CPA3: variants seen among roughly 807,000 people sequenced by gnomAD.
The protein encoded by CPA3 is mast cell carboxypeptidase A.
A neutral mutation model predicts 55.8 loss-of-function variants in CPA3; 52 were observed. That is an observed-to-expected ratio of 0.93 (90% CI 0.75 to 1.17). The LOEUF (loss-of-function observed/expected upper bound fraction) is 1.17, where lower values mean the gene tolerates loss of function less well. Ranked by LOEUF, CPA3 falls within the 50% of genes most tolerant of loss-of-function variation. The pLI is 0.00. For missense variants in CPA3, 547 were observed against 509.1 expected (o/e 1.07, Z -0.72); for synonymous variants, 179 against 171.2 (o/e 1.05, Z -0.36).
intron 5 of CPA3, 29 bp from the exon 6 acceptor site, chr3:148,879,759 A>T (rs749902228): frequency 2.7e-6 from 4 of 1,483,778 alleles, no homozygotes; most frequent in South Asian, 1.1e-5. Flanking sequence ...GTTTGTTCAA[A>T]ACAATATCTC....
At chr3:148,896,211 A>G in intron 10 of CPA3, among the ~76,000 whole-genome samples, 1 of 152,146 alleles carries the variant, frequency 6.6e-6, no homozygotes, top group East Asian at 1.9e-4. Context: ...CTCAGCTGCT[A>G]GCACTTGCTC....
chr3:148,881,844 G>C (rs1714376240), intron 7 of CPA3, among the ~76,000 whole-genome samples: 1 of 152,154 alleles, frequency 6.6e-6, no homozygotes, highest in South Asian at 2.1e-4. Context: ...AGCTAGTTAT[G>C]TGGGAAAATG....
chr3:148,869,666 T>G (rs1210514343), intron 3 of CPA3, among the ~76,000 whole-genome samples: 1 of 152,226 alleles, frequency 6.6e-6, no homozygotes, highest in Non-Finnish European at 1.5e-5. Flanking sequence ...TGAGTCATTC[T>G]GGCCCCACAG....
Position 148,896,528 on chromosome 3 carries a change from T to A in CPA3, c.1075T>A (p.Ser359Thr). ...GPIESTIYPISGSSLDWAYDL... is the reference protein window; with the variant it reads ...GPIESTIYPITGSSLDWAYDL... ...CTGCTTGTGTTTTACAGACCCGATA[T>A]CAGGTTCTTCTTTAGACTGGGCTTA... Residue 359 changes from serine to threonine, a missense_variant, in exon 11 of 11, where the codon TCA becomes ACA. Physicochemically the swap from Ser to Thr is moderately conservative, Grantham distance 58 (BLOSUM62 1). Coordinates refer to ENST00000296046, the MANE Select transcript of CPA3 (RefSeq NM_001870.4). 6.6e-7 allele frequency: 1 copy of A among 1,511,194 alleles called. No individual in the cohort carries two copies. The highest frequency in any genetic ancestry group is 9.0e-7 in the Non-Finnish European group (1 of 1,109,700). The allele number at this position is 1,511,194 out of a possible 1,614,324, so 93.6% of individuals were successfully genotyped here.
intron 10 of CPA3, among the ~76,000 whole-genome samples, chr3:148,893,862 C>A (rs1437178160): frequency 2.6e-5 from 4 of 152,154 alleles, no homozygotes; most frequent in Non-Finnish European, 5.9e-5. Flanking sequence ...AAGGAAGTGA[C>A]ATTTTCTCAA....
intron 3 of CPA3, among the ~76,000 whole-genome samples, chr3:148,877,388 G>A (rs1311537522): frequency 6.6e-6 from 1 of 152,090 alleles, no homozygotes; most frequent in East Asian, 1.9e-4. Flanking sequence ...CAGCTGCTCA[G>A]GAGACCAAAG....
intron 2 of CPA3, 117 bp from the exon 3 acceptor site, chr3:148,868,798 T>A: frequency 8.8e-7 from 1 of 1,130,968 alleles, no homozygotes; most frequent in Non-Finnish European, 1.2e-6. Flanking sequence ...AGGGTCTGTA[T>A]CTTAGTTATG....
intron 3 of CPA3, among the ~76,000 whole-genome samples, chr3:148,877,408 C>T (rs551634347): frequency 6.6e-6 from 1 of 152,188 alleles, no homozygotes; most frequent in East Asian, 1.9e-4. Context: ...GCAGGAGAAT[C>T]ACTTGAACCC....
Position 148,878,641 on chromosome 3 carries a change from C to T in CPA3, c.373-6C>T. 1 of 1,599,510 alleles carries T rather than the reference C, an allele frequency of 6.3e-7. No individual in the cohort carries two copies. Among genetic ancestry groups the T allele is most frequent in the Admixed American group, 1.7e-5 (1 of 58,506 alleles). ...CTAATTTCTCAAAATTGATTTTGCT[C>T]TTAAGATTGTGGCTTGGACTGAAAA... On this transcript the variant is annotated splice_region_variant and splice_polypyrimidine_tract_variant and intron_variant, in intron 4 of 10. Transcript: ENST00000296046.
At chr3:148,876,664 A>C (rs993410954) in intron 3 of CPA3, among the ~76,000 whole-genome samples, 7 of 152,222 alleles carry the variant, frequency 4.6e-5, no homozygotes, top group African/African-American at 1.7e-4. Context: ...GGTGTGAACC[A>C]CCATGCCCAG....
chr3:148,870,925 G>C (rs184046190), intron 3 of CPA3, among the ~76,000 whole-genome samples: 11 of 152,226 alleles, frequency 7.2e-5, no homozygotes, highest in Non-Finnish European at 1.5e-4. Context: ...TTGAGATGAA[G>C]TCTCGCTCTG....
At chr3:148,868,687 A>AT (rs889502769) in intron 2 of CPA3, among the ~76,000 whole-genome samples, 10 of 152,152 alleles carry the variant, frequency 6.6e-5, no homozygotes, top group African/African-American at 2.4e-4. Flanking sequence ...GTCCTTAAAA[A>AT]AAAAAAAAGT....
At chr3:148,876,297 CTTA>C (rs1368059161) in intron 3 of CPA3, among the ~76,000 whole-genome samples, 5 of 151,076 alleles carry the variant, frequency 3.3e-5, no homozygotes, top group African/African-American at 1.2e-4. Context: ...TAATAAAATT[CTTA>C]TATTTATTTA....
rs201909511 is a variant in CPA3 at position 148,883,749 on chromosome 3, C to T, written c.915C>T (p.Ser305=). The T allele has an allele frequency of 2.3e-5, 37 of 1,614,076 alleles. No individual in the cohort carries two copies. In the East Asian group the frequency reaches 7.8e-4, roughly 34 times the overall value. ...TCAAGGTTTACATCACCTTCCATTC[C>T]TACTCCCAGATGCTATTGTTTCCCT... ...NEIKVYITFH[S]YSQMLLFPYG... Residue 305 remains serine (S), a synonymous_variant, in exon 9 of 11, where the codon TCC becomes TCT. Transcript: ENST00000296046.
intron 2 of CPA3, among the ~76,000 whole-genome samples, chr3:148,866,370 T>C (rs1713900311): frequency 6.6e-6 from 1 of 152,210 alleles, no homozygotes; most frequent in African/African-American, 2.4e-5. Flanking sequence ...TCATGTTCAC[T>C]CTACCTCTTG....
chr3:148,867,720 A>T (rs1305735602), intron 2 of CPA3, among the ~76,000 whole-genome samples: 1 of 152,118 alleles, frequency 6.6e-6, no homozygotes, highest in Non-Finnish European at 1.5e-5. Context: ...GTAGAGGGGG[A>T]CTCAACCAAG....
At chr3:148,894,521 C>T (rs1714772945) in intron 10 of CPA3, among the ~76,000 whole-genome samples, 1 of 149,866 alleles carries the variant, frequency 6.7e-6, no homozygotes, top group Admixed American at 6.6e-5. Flanking sequence ...AATTTACCTA[C>T]ACGCACTAAT....
intron 4 of CPA3, 30 bp downstream of exon 4, chr3:148,878,573 T>A (rs1559968065): frequency 3.2e-6 from 5 of 1,566,772 alleles, no homozygotes; most frequent in Admixed American, 1.7e-5. Context: ...TACTTTTTTT[T>A]AAGTTACCCT....
At chr3:148,881,048 A>G (rs1420978531) in intron 6 of CPA3, among the ~76,000 whole-genome samples, 3 of 152,114 alleles carry the variant, frequency 2.0e-5, no homozygotes, top group Admixed American at 6.6e-5. Context: ...AAGTTGTTCA[A>G]TCTCTGAATT....
Sources: allele counts gnomAD v4.1 joint callset (sites outside exome capture counted in the v4.1 genomes callset), GRCh38; gene constraint gnomAD v4.1.1; transcripts MANE v1.5; gene names NCBI Gene and HGNC (gene_info 2026-07-23, HGNC 2026-07-21).